LARGE1: variants seen among roughly 807,000 people sequenced by gnomAD.
The protein encoded by LARGE1 is LARGE xylosyl- and glucuronyltransferase 1.
Under a neutral mutation model 87.6 loss-of-function variants are expected in LARGE1, and 43 were observed. That is an observed-to-expected ratio of 0.49 (90% CI 0.38 to 0.63). The LOEUF (loss-of-function observed/expected upper bound fraction) is 0.63. LARGE1 is among the 30% of genes least tolerant of loss of function. The pLI is 0.00. For synonymous variants in LARGE1, 434 were observed against 394.6 expected, an observed-to-expected ratio of 1.10 and a Z score of -1.18; for missense variants, 802 against 1,000.2, an observed-to-expected ratio of 0.80 and a Z score of 2.67.
At chr22:33,583,743 C>T (rs1047091921) in intron 5 of LARGE1, among the ~76,000 whole-genome samples, 1 of 152,166 alleles carries the variant, frequency 6.6e-6, no homozygotes, top group Non-Finnish European at 1.5e-5. Flanking sequence ...ATGAAGTGTG[C>T]TTCCCTCGCC....
chr22:33,251,532 G>A (rs1193062367), intron 11 of LARGE1, among the ~76,000 whole-genome samples: 1 of 152,090 alleles, frequency 6.6e-6, no homozygotes, highest in African/African-American at 2.4e-5. Context: ...CTTAATTCTA[G>A]TACTAAAGAT....
chr22:33,592,016 A>T (rs1183424279), intron 5 of LARGE1, among the ~76,000 whole-genome samples: 2 of 145,504 alleles, frequency 1.4e-5, no homozygotes, highest in African/African-American at 5.1e-5. Flanking sequence ...ACAAAGGGAG[A>T]CCCAGAGAAA....
chr22:33,800,975 A>T (rs543251267), intron 1 of LARGE1, among the ~76,000 whole-genome samples: 10 of 152,326 alleles, frequency 6.6e-5, no homozygotes, highest in African/African-American at 2.4e-4. Context: ...TTTATCTCCC[A>T]GAATTCCCAT....
chr22:33,364,455 C>T (rs112172163), intron 9 of LARGE1, among the ~76,000 whole-genome samples: 11,543 of 152,228 alleles, frequency 0.076, 519 homozygotes, highest in South Asian at 0.14. Flanking sequence ...TTATGTTCTT[C>T]CCTTGGGAGT....
At chr22:33,728,048 G>C in intron 2 of LARGE1, among the ~76,000 whole-genome samples, 1 of 152,094 alleles carries the variant, frequency 6.6e-6, no homozygotes, top group East Asian at 1.9e-4. Context: ...GAAAACCCAA[G>C]TCTGATCCAG....
intron 1 of LARGE1, among the ~76,000 whole-genome samples, chr22:33,837,243 G>A (rs796445017): frequency 7.2e-5 from 9 of 124,348 alleles, no homozygotes; most frequent in African/African-American, 2.1e-4. Context: ...ATATGGAGTA[G>A]AGAGTATTAC....
chr22:33,323,513 C>T (rs1936946982), intron 10 of LARGE1, among the ~76,000 whole-genome samples: 1 of 152,194 alleles, frequency 6.6e-6, no homozygotes, highest in African/African-American at 2.4e-5. Flanking sequence ...TTTCACAACA[C>T]AATTACTTCT....
At chr22:33,551,742 G>A (rs553840530) in intron 6 of LARGE1, among the ~76,000 whole-genome samples, 3 of 151,972 alleles carry the variant, frequency 2.0e-5, no homozygotes, top group Non-Finnish European at 2.9e-5. Context: ...TCCCCTCTAC[G>A]CATCCACAAT....
intron 11 of LARGE1, among the ~76,000 whole-genome samples, chr22:33,232,036 C>T (rs1433481148): frequency 3.3e-5 from 5 of 152,198 alleles, no homozygotes; most frequent in Non-Finnish European, 4.4e-5. Flanking sequence ...AACTCACTTG[C>T]TAACCATTCA....
chr22:33,307,730 T>C (rs1037091245), intron 11 of LARGE1, among the ~76,000 whole-genome samples: 26 of 151,912 alleles, frequency 1.7e-4, no homozygotes, highest in African/African-American at 6.3e-4. Context: ...GATCAGGTCA[T>C]GAAGGTGGAA....
At chr22:33,910,422 C>T (rs2065598867) in intron 1 of LARGE1, among the ~76,000 whole-genome samples, 1 of 152,150 alleles carries the variant, frequency 6.6e-6, no homozygotes, top group South Asian at 2.1e-4. Flanking sequence ...GTGACGCCTC[C>T]TCCTACCCTA....
intron 6 of LARGE1, among the ~76,000 whole-genome samples, chr22:33,472,963 A>T (rs2068910655): frequency 6.6e-6 from 1 of 152,196 alleles, no homozygotes; most frequent in Non-Finnish European, 1.5e-5. Flanking sequence ...GCACAAGATC[A>T]TTTCGTCCTG....
chr22:33,260,882 T>C (rs1265284775), intron 11 of LARGE1, among the ~76,000 whole-genome samples: 1 of 152,168 alleles, frequency 6.6e-6, no homozygotes, highest in Non-Finnish European at 1.5e-5. Flanking sequence ...CCAGCACTCA[T>C]CCTGGCTGCT....
intron 11 of LARGE1, among the ~76,000 whole-genome samples, chr22:33,182,390 TTG>T (rs1293032089): frequency 2.6e-5 from 4 of 152,276 alleles, no homozygotes; most frequent in African/African-American, 7.2e-5. Flanking sequence ...CCCTTTCATA[TTG>T]TGTGTGTGTC....
chr22:33,469,827 T>TAAAAACAAAAAACAAAAAACAAAAAACA (rs368924028), intron 6 of LARGE1, among the ~76,000 whole-genome samples: 1 of 135,806 alleles, frequency 7.4e-6, no homozygotes, highest in Non-Finnish European at 1.5e-5. Context: ...GACTCCATCT[T>TAAAAACAAAAAACAAAAAACAAAAAACA]AAAAACAAAA....
intron 1 of LARGE1, among the ~76,000 whole-genome samples, chr22:33,844,458 A>G (rs185332601): frequency 6.6e-6 from 1 of 152,252 alleles, no homozygotes; most frequent in Admixed American, 6.5e-5. Flanking sequence ...GAACACAGGA[A>G]GTGATTTCAA....
intron 11 of LARGE1, among the ~76,000 whole-genome samples, chr22:33,306,937 G>A (rs1935000238): frequency 6.6e-6 from 1 of 151,564 alleles, no homozygotes; most frequent in South Asian, 2.1e-4. Context: ...AAAATAAGTT[G>A]AGCTTTACAG....
chr22:33,067,506 G>T, the LARGE1 span, among the ~76,000 whole-genome samples: 1 of 151,990 alleles, frequency 6.6e-6, no homozygotes, highest in Non-Finnish European at 1.5e-5. Flanking sequence ...TTTTCTTATT[G>T]AATTCTTTCA....
intron 4 of LARGE1, among the ~76,000 whole-genome samples, chr22:33,611,997 G>T (rs1032046950): frequency 6.6e-6 from 1 of 152,146 alleles, no homozygotes; most frequent in African/African-American, 2.4e-5. Context: ...AATGCTCCCT[G>T]AGGCCTCCCC....
Sources: gnomAD v4.1 joint callset for allele counts (sites outside exome capture counted in the v4.1 genomes callset) on GRCh38, gnomAD v4.1.1 for gene constraint, MANE v1.5 for transcripts, NCBI Gene and HGNC (gene_info 2026-07-23, HGNC 2026-07-21) for gene names.